Variants in TFEC observed in about 807,000 individuals in gnomAD.
The protein encoded by TFEC is transcription factor EC.
A neutral mutation model predicts 41.6 loss-of-function variants in TFEC; 31 were observed. The ratio of observed to expected loss-of-function variants is 0.74; its 90% CI spans 0.56 to 1.01. The LOEUF is 1.01. Ranked by LOEUF, TFEC falls within the 50% of genes least tolerant of loss-of-function variation. The probability of loss-of-function intolerance (pLI) is 0.00; values close to 1 mark genes in which losing one functional copy is unlikely to be tolerated. For missense variants in TFEC, 402 were observed against 404.1 expected, an observed-to-expected ratio of 0.99 and a Z score of 0.04; for synonymous variants, 143 against 140.6, an observed-to-expected ratio of 1.02 and a Z score of -0.12.
At chr7:116,044,964 C>T (rs1053598026) in intron 3 of TFEC, among the ~76,000 whole-genome samples, 1 of 152,184 alleles carries the variant, frequency 6.6e-6, no homozygotes, top group Admixed American at 6.5e-5. Context: ...GGAAACTGTA[C>T]CCCTTTATCC....
chr7:116,020,210 T>A (rs558668580), intron 1 of TFEC, among the ~76,000 whole-genome samples: 25 of 152,172 alleles, frequency 1.6e-4, no homozygotes, highest in African/African-American at 6.0e-4. Context: ...TTGTTCCTAA[T>A]CACTTAGTAA....
intron 3 of TFEC, among the ~76,000 whole-genome samples, chr7:115,969,272 C>T (rs1286269131): frequency 2.0e-5 from 3 of 151,756 alleles, no homozygotes; most frequent in African/African-American, 7.3e-5. Flanking sequence ...AAGGGGTTTG[C>T]ATTCTACAGG....
chr7:116,143,839 C>T (rs1401539669), intron 1 of TFEC, among the ~76,000 whole-genome samples: 2 of 152,128 alleles, frequency 1.3e-5, no homozygotes, highest in African/African-American at 2.4e-5. Flanking sequence ...ACAGAAGAGA[C>T]TAGAGATGAA....
intron 3 of TFEC, among the ~76,000 whole-genome samples, chr7:116,094,455 C>G (rs902395465): frequency 6.6e-6 from 1 of 151,174 alleles, no homozygotes; most frequent in South Asian, 2.1e-4. Context: ...CTGAGACAGG[C>G]GGACCACAAG....
At chr7:116,152,016 T>G (rs1798772444) in intron 1 of TFEC, among the ~76,000 whole-genome samples, 1 of 152,144 alleles carries the variant, frequency 6.6e-6, no homozygotes, top group Non-Finnish European at 1.5e-5. Context: ...TAGTAAACCC[T>G]TTCTTATTGA....
intron 3 of TFEC, among the ~76,000 whole-genome samples, chr7:116,065,518 G>A (rs377156897): frequency 6.6e-6 from 1 of 152,134 alleles, no homozygotes; most frequent in South Asian, 2.1e-4. Flanking sequence ...GTGATTTCTG[G>A]TCCTTTGAAC....
intron 3 of TFEC, among the ~76,000 whole-genome samples, chr7:116,101,686 G>T (rs554121815): frequency 2.0e-5 from 3 of 149,670 alleles, no homozygotes; most frequent in South Asian, 2.2e-4. Flanking sequence ...AAAGACCTTG[G>T]GGGGAGTTGG....
At chr7:116,008,695 T>C (rs562640828) in intron 1 of TFEC, among the ~76,000 whole-genome samples, 1 of 152,312 alleles carries the variant, frequency 6.6e-6, no homozygotes, top group South Asian at 2.1e-4. Flanking sequence ...CTCACAGCAG[T>C]CTGTGGATAT....
At chr7:116,131,379 C>G (rs1328165348) in intron 1 of TFEC, among the ~76,000 whole-genome samples, 1 of 152,116 alleles carries the variant, frequency 6.6e-6, no homozygotes, top group African/African-American at 2.4e-5. Flanking sequence ...TAGGACTAGT[C>G]TGTAAGACAG....
At chr7:116,004,115 A>T (rs1794699885) in intron 1 of TFEC, among the ~76,000 whole-genome samples, 1 of 152,150 alleles carries the variant, frequency 6.6e-6, no homozygotes, top group African/African-American at 2.4e-5. Context: ...GAAGAAAAGG[A>T]ATAATAACAA....
intron 3 of TFEC, among the ~76,000 whole-genome samples, chr7:116,109,740 A>T (rs1386680351): frequency 6.6e-6 from 1 of 152,210 alleles, no homozygotes; most frequent in East Asian, 1.9e-4. Flanking sequence ...TACCCAAAGG[A>T]TTATAAGTCA....
At chr7:115,968,704 C>A (rs1400765489) in intron 3 of TFEC, among the ~76,000 whole-genome samples, 1 of 151,838 alleles carries the variant, frequency 6.6e-6, no homozygotes, top group South Asian at 2.1e-4. Flanking sequence ...CCCTTCAAAT[C>A]ATAGGATTCT....
intron 1 of TFEC, among the ~76,000 whole-genome samples, chr7:116,012,533 C>T (rs544076777): frequency 1.5e-4 from 23 of 152,106 alleles, no homozygotes; most frequent in African/African-American, 5.5e-4. Context: ...CATCAATGCA[C>T]TTTTTAAAAA....
At chr7:116,110,783 T>C (rs1210812062) in exon 3 of TFEC, 2 of 1,547,916 alleles carry the variant, frequency 1.3e-6, no homozygotes, top group Admixed American at 4.0e-5. Context: ...CTGGTTTGTA[T>C]GAAAACTGCA....
chr7:115,956,414 T>A (rs962855896), intron 4 of TFEC, among the ~76,000 whole-genome samples: 1 of 149,978 alleles, frequency 6.7e-6, no homozygotes, highest in African/African-American at 2.4e-5. Context: ...TATGTATATA[T>A]GTGTGTATAT....
chr7:116,073,994 C>T (rs1796891963), intron 3 of TFEC, among the ~76,000 whole-genome samples: 1 of 151,846 alleles, frequency 6.6e-6, no homozygotes, highest in Admixed American at 6.6e-5. Context: ...ACAAATGGTA[C>T]AGGGACACTG....
In TFEC at chr7:115,974,150, T is replaced by C; in HGVS notation, c.267+20A>G. 6.4e-7 allele frequency: 1 copy of C among 1,573,792 alleles called. No individual in the cohort carries two copies. Among genetic ancestry groups the C allele is most frequent in the Non-Finnish European group, 8.6e-7 (1 of 1,163,580 alleles). On this transcript the variant is annotated intron_variant, in intron 3 of 7. Transcript: ENST00000265440. Reference sequence around the variant, plus strand: ...ATTCATTTCTGTTTCAATGACCTTCTTGGGTCTGAAAGCACTTACTGTTCT... The same window carrying C: ...ATTCATTTCTGTTTCAATGACCTTCCTGGGTCTGAAAGCACTTACTGTTCT...
intron 1 of TFEC, among the ~76,000 whole-genome samples, chr7:116,022,838 C>T (rs1013994323): frequency 2.6e-5 from 4 of 152,230 alleles, no homozygotes; most frequent in African/African-American, 9.6e-5. Context: ...TCTATACAGG[C>T]ATTGAACTAT....
intron 2 of TFEC, among the ~76,000 whole-genome samples, chr7:115,978,014 T>C (rs1216160264): frequency 6.6e-6 from 1 of 152,046 alleles, no homozygotes; most frequent in Non-Finnish European, 1.5e-5. Context: ...GAAAGCATAG[T>C]AACTTAAAAC....
Sources: allele counts gnomAD v4.1 joint callset (sites outside exome capture counted in the v4.1 genomes callset), GRCh38; gene constraint gnomAD v4.1.1; transcripts MANE v1.5; gene names NCBI Gene and HGNC (gene_info 2026-07-23, HGNC 2026-07-21).